Variants in BICC1 observed in about 807,000 individuals in gnomAD.
The protein encoded by BICC1 is BicC family RNA binding protein 1.
A neutral mutation model predicts 111.0 loss-of-function variants in BICC1; 43 were observed. The ratio of observed to expected loss-of-function variants is 0.39; its 90% CI spans 0.30 to 0.50. BICC1 has a LOEUF of 0.50. BICC1 is among the 20% of genes least tolerant of loss of function. The pLI, the probability that BICC1 is intolerant of heterozygous loss-of-function variation, is 0.88. For synonymous variants in BICC1, 467 were observed against 434.4 expected (o/e 1.07, Z -0.93); for missense variants, 1,091 against 1,203.2 (o/e 0.91, Z 1.38).
intron 15 of BICC1, among the ~76,000 whole-genome samples, chr10:58,803,686 GA>G (rs1843624839): frequency 6.6e-6 from 1 of 152,146 alleles, no homozygotes; most frequent in Non-Finnish European, 1.5e-5. Context: ...AGTGTTCTTT[GA>G]AACTAGATGA....
intron 1 of BICC1, among the ~76,000 whole-genome samples, chr10:58,617,265 G>C (rs1845648092): frequency 6.6e-6 from 1 of 152,236 alleles, no homozygotes; most frequent in Non-Finnish European, 1.5e-5. Flanking sequence ...TGCATTCATG[G>C]ATAATGACTC....
intron 14 of BICC1, 124 bp downstream of exon 14, chr10:58,801,170 T>A: frequency 1.2e-6 from 1 of 826,826 alleles, no homozygotes; most frequent in Non-Finnish European, 1.7e-6. Flanking sequence ...GTTTTCATTT[T>A]AACTTTTTTA....
chr10:58,725,412 G>A (rs1841074291), intron 3 of BICC1, among the ~76,000 whole-genome samples: 1 of 152,070 alleles, frequency 6.6e-6, no homozygotes, highest in Admixed American at 6.6e-5. Context: ...CTCTACCTCT[G>A]TCTTGACTGT....
chr10:58,679,459 A>G (rs2132353939), intron 2 of BICC1, among the ~76,000 whole-genome samples: 1 of 152,312 alleles, frequency 6.6e-6, no homozygotes, highest in Non-Finnish European at 1.5e-5. Flanking sequence ...ATTCCTGGAC[A>G]CATACACCCT....
intron 3 of BICC1, among the ~76,000 whole-genome samples, chr10:58,771,382 T>A (rs1361437598): frequency 6.6e-6 from 1 of 152,144 alleles, no homozygotes; most frequent in African/African-American, 2.4e-5. Flanking sequence ...CATAGTCTGT[T>A]TTGTGAGGGG....
chr10:58,601,139 C>CTAATATATATATATATAT (rs1554810886), intron 1 of BICC1, among the ~76,000 whole-genome samples: 2 of 39,848 alleles, frequency 5.0e-5, no homozygotes, highest in Admixed American at 3.6e-4. Flanking sequence ...CATTTTAAAA[C>CTAATATATATATATATAT]TTATATATAT....
intron 1 of BICC1, among the ~76,000 whole-genome samples, chr10:58,609,367 C>T (rs1335717561): frequency 6.6e-6 from 1 of 152,192 alleles, no homozygotes; most frequent in Non-Finnish European, 1.5e-5. Context: ...GTTTTCAGTT[C>T]CTCATAGCCT....
chr10:58,798,029 A>G (rs1662487303), intron 10 of BICC1, among the ~76,000 whole-genome samples: 1 of 152,180 alleles, frequency 6.6e-6, no homozygotes, highest in Non-Finnish European at 1.5e-5. Context: ...TTTGTTTGTA[A>G]GCAGATGACA....
intron 1 of BICC1, among the ~76,000 whole-genome samples, chr10:58,528,552 A>G (rs1163731500): frequency 2.0e-5 from 3 of 151,948 alleles, no homozygotes; most frequent in African/African-American, 7.2e-5. Flanking sequence ...GAGATAATCC[A>G]TTCTCAAAAT....
rs541924816 is a variant in BICC1, at chr10:58,591,967, A to G, written c.191-28888A>G. On this transcript the variant is annotated intron_variant, in intron 1 of 20. Coordinates refer to ENST00000373886, the MANE Select transcript of BICC1 (RefSeq NM_001080512.3). ...AAGTGGTGTTGTTTATTGTTTTTCT[A>G]GATTATATAGAGTAATACAGAATAT... 2.0e-3 allele frequency among the ~76,000 whole-genome samples: 302 copies of G among 152,354 alleles called. 1 individual carries two copies. Among genetic ancestry groups the G allele is most frequent in the Non-Finnish European group, 3.7e-3 (249 of 68,034 alleles).
intron 20 of BICC1, among the ~76,000 whole-genome samples, chr10:58,827,916 C>A (rs555707584): frequency 6.6e-6 from 1 of 152,140 alleles, no homozygotes; most frequent in Non-Finnish European, 1.5e-5. Flanking sequence ...ACCTACTCAA[C>A]GTGAAGACAA....
chr10:58,787,347 A>G (rs1052790694), intron 5 of BICC1, among the ~76,000 whole-genome samples: 10 of 152,218 alleles, frequency 6.6e-5, no homozygotes, highest in Non-Finnish European at 1.3e-4. Context: ...ACAAAACCTT[A>G]AAGAAAGGCT....
At chr10:58,579,429 G>A (rs1010985056) in intron 1 of BICC1, among the ~76,000 whole-genome samples, 2 of 152,230 alleles carry the variant, frequency 1.3e-5, no homozygotes, top group East Asian at 3.8e-4. Context: ...GGAATGGCTT[G>A]TGTGCGTGCA....
At chr10:58,641,493 A>G (rs1838122824) in intron 2 of BICC1, among the ~76,000 whole-genome samples, 1 of 151,844 alleles carries the variant, frequency 6.6e-6, no homozygotes, top group Non-Finnish European at 1.5e-5. Flanking sequence ...CTTTCCTGGA[A>G]CAAACACTAT....
chr10:58,780,275 G>A (rs891725726), intron 3 of BICC1, among the ~76,000 whole-genome samples: 1 of 152,142 alleles, frequency 6.6e-6, no homozygotes, highest in Non-Finnish European at 1.5e-5. Context: ...ATAATATATG[G>A]AAATTTTCCC....
At chr10:58,723,623 G>T (rs981766364) in intron 3 of BICC1, among the ~76,000 whole-genome samples, 1 of 152,168 alleles carries the variant, frequency 6.6e-6, no homozygotes, top group African/African-American at 2.4e-5. Flanking sequence ...AGGTTGTGAT[G>T]GCACAGAGAG....
At chr10:58,738,901 A>C (rs1201640646) in intron 3 of BICC1, among the ~76,000 whole-genome samples, 2 of 151,904 alleles carry the variant, frequency 1.3e-5, no homozygotes, top group Admixed American at 1.3e-4. Context: ...TTATTGGTGT[A>C]TAAGAATGCT....
At chr10:58,608,709 C>A (rs1365130006) in intron 1 of BICC1, among the ~76,000 whole-genome samples, 1 of 151,992 alleles carries the variant, frequency 6.6e-6, no homozygotes, top group Non-Finnish European at 1.5e-5. Flanking sequence ...AGGGGTAAAA[C>A]AGAGCTTGAA....
intron 1 of BICC1, among the ~76,000 whole-genome samples, chr10:58,606,167 C>G (rs1345520247): frequency 6.6e-6 from 1 of 152,124 alleles, no homozygotes; most frequent in Non-Finnish European, 1.5e-5. Flanking sequence ...TGCTCCCATC[C>G]TGGGAATTTC....
Sources: gnomAD v4.1 joint callset for allele counts (sites outside exome capture counted in the v4.1 genomes callset) on GRCh38, gnomAD v4.1.1 for gene constraint, MANE v1.5 for transcripts, NCBI Gene and HGNC (gene_info 2026-07-23, HGNC 2026-07-21) for gene names.